The following PLCL1 variants were observed in gnomAD, a reference collection of about 807,000 sequenced individuals.
PLCL1 encodes phospholipase C like 1 (inactive), also known as inactive phospholipase C-like protein 1.
A neutral mutation model predicts 84.4 loss-of-function variants in PLCL1; 41 were observed. The observed-to-expected ratio is 0.49, with a 90% CI of 0.38 to 0.63. PLCL1 has a LOEUF of 0.63. Ranked by LOEUF, PLCL1 falls within the 30% of genes least tolerant of loss-of-function variation. The pLI is 0.00. For synonymous variants in PLCL1, 490 were observed against 488.3 expected (o/e 1.00, Z -0.05); for missense variants, 1,206 against 1,367.8 (o/e 0.88, Z 1.87).
intron 1 of PLCL1, among the ~76,000 whole-genome samples, chr2:198,055,142 T>C (rs937722520): frequency 2.6e-5 from 4 of 151,986 alleles, no homozygotes; most frequent in African/African-American, 9.7e-5. Flanking sequence ...AGGTCGAAGG[T>C]TCTGGGAAGA....
chr2:197,954,728 C>T (rs1689453078), intron 1 of PLCL1, among the ~76,000 whole-genome samples: 1 of 151,982 alleles, frequency 6.6e-6, no homozygotes, highest in Admixed American at 6.6e-5. Flanking sequence ...ATGACAGGGA[C>T]TGTTTTTGGT....
intron 1 of PLCL1, among the ~76,000 whole-genome samples, chr2:197,965,094 C>T (rs1689701070): frequency 6.6e-6 from 1 of 152,022 alleles, no homozygotes; most frequent in Non-Finnish European, 1.5e-5. Flanking sequence ...GAAGTATTCC[C>T]TCATCCTCTA....
intron 1 of PLCL1, among the ~76,000 whole-genome samples, chr2:197,875,554 G>T (rs913333862): frequency 6.6e-6 from 1 of 151,938 alleles, no homozygotes; most frequent in South Asian, 2.1e-4. Flanking sequence ...TATATTTTGT[G>T]TACTTTGCTG....
chr2:197,888,316 A>G (rs892685461), intron 1 of PLCL1, among the ~76,000 whole-genome samples: 1 of 152,142 alleles, frequency 6.6e-6, no homozygotes, highest in Admixed American at 6.5e-5. Flanking sequence ...CCTTTCTGCC[A>G]TATGTGTTTC....
At chr2:198,086,794 T>A (rs1692895568) in intron 2 of PLCL1, among the ~76,000 whole-genome samples, 1 of 152,146 alleles carries the variant, frequency 6.6e-6, no homozygotes, top group South Asian at 2.1e-4. Flanking sequence ...AGTACAAAAC[T>A]GAATCAATAT....
At chr2:198,106,099 C>T (rs1307446106) in intron 5 of PLCL1, among the ~76,000 whole-genome samples, 1 of 151,770 alleles carries the variant, frequency 6.6e-6, no homozygotes, top group Non-Finnish European at 1.5e-5. Context: ...AACTCAGTAT[C>T]GTTATTAATC....
intron 1 of PLCL1, among the ~76,000 whole-genome samples, chr2:198,046,982 G>A (rs1691819339): frequency 6.6e-6 from 1 of 152,142 alleles, no homozygotes; most frequent in African/African-American, 2.4e-5. Flanking sequence ...AATGTAGTAG[G>A]ATATGTTTTG....
chr2:197,926,933 G>T (rs1046040030), intron 1 of PLCL1, among the ~76,000 whole-genome samples: 1 of 152,146 alleles, frequency 6.6e-6, no homozygotes, highest in African/African-American at 2.4e-5. Flanking sequence ...GTCTTATTTG[G>T]CTGGGCAAGG....
chr2:197,873,157 G>A (rs1449944862), intron 1 of PLCL1, among the ~76,000 whole-genome samples: 1 of 151,942 alleles, frequency 6.6e-6, no homozygotes, highest in East Asian at 1.9e-4. Flanking sequence ...ACATGTTTAT[G>A]TGTATTCAAT....
chr2:197,908,055 T>C (rs1688417097), intron 1 of PLCL1, among the ~76,000 whole-genome samples: 1 of 152,164 alleles, frequency 6.6e-6, no homozygotes, highest in African/African-American at 2.4e-5. Context: ...TGATCACATA[T>C]TTAGCATGAG....
intron 5 of PLCL1, among the ~76,000 whole-genome samples, chr2:198,130,291 T>G (rs1208168405): frequency 1.3e-5 from 2 of 152,192 alleles, no homozygotes; most frequent in African/African-American, 4.8e-5. Context: ...TGACTCTTTC[T>G]TCCCAGAATC....
In PLCL1 at chr2:197,812,046, A is replaced by C. The variant is rs534440063; in HGVS notation, c.240+6707A>C. 1.2e-3 allele frequency among the ~76,000 whole-genome samples: 176 copies of C among 152,316 alleles called. 4 individuals carry two copies. Among genetic ancestry groups the C allele is most frequent in the Middle Eastern group, 3.4e-3 (1 of 294 alleles). ...TGTATTTAGTGTTTAGCTACCACTT[A>C]CAAGTGAGAACATGTGGTATTTGGT... On this transcript the variant is annotated intron_variant, in intron 1 of 5. Coordinates refer to ENST00000428675, the MANE Select transcript of PLCL1 (RefSeq NM_006226.4).
rs148781016 is a variant in PLCL1, at chr2:198,092,075, C to G, written c.2919+3014C>G. Among the ~76,000 whole-genome samples the G allele has an allele frequency of 8.9e-3, 1,351 of 151,952 alleles. 23 individuals are homozygous for G. Among genetic ancestry groups the G allele is most frequent in the African/African-American group, 0.03 (1,232 of 41,398 alleles). On this transcript the variant is annotated intron_variant, in intron 3 of 5. Transcript: ENST00000428675. The stretch of plus-strand genomic sequence containing the variant: ...CATCTCCAGCCTCACCTGCTTCTCC[C>G]AACCTCACCTGCCTCTTTAGTTTTA...
At chr2:197,837,198 T>C (rs1386959939) in intron 1 of PLCL1, among the ~76,000 whole-genome samples, 1 of 152,036 alleles carries the variant, frequency 6.6e-6, no homozygotes, top group Non-Finnish European at 1.5e-5. Context: ...GGCTTTGAGG[T>C]GAAGATGGGA....
intron 5 of PLCL1, among the ~76,000 whole-genome samples, chr2:198,110,354 T>C (rs1304314109): frequency 3.9e-5 from 6 of 151,932 alleles, no homozygotes; most frequent in East Asian, 3.9e-4. Context: ...GAGCAGAGAT[T>C]GAAGCTTCTC....
intron 1 of PLCL1, among the ~76,000 whole-genome samples, chr2:197,977,283 C>G (rs996109348): frequency 1.8e-4 from 28 of 152,156 alleles, no homozygotes; most frequent in Non-Finnish European, 5.9e-5. Context: ...TCCCCCCGCC[C>G]CCTCACCTAA....
intron 1 of PLCL1, among the ~76,000 whole-genome samples, chr2:197,940,580 T>G (rs1689139359): frequency 6.6e-6 from 1 of 152,230 alleles, no homozygotes; most frequent in African/African-American, 2.4e-5. Context: ...CAGAATGCAG[T>G]GCTGTGACAG....
chr2:197,825,242 A>G (rs1690905553), intron 1 of PLCL1, among the ~76,000 whole-genome samples: 1 of 152,214 alleles, frequency 6.6e-6, no homozygotes, highest in African/African-American at 2.4e-5. Flanking sequence ...ATCTTTGTGC[A>G]AGCCAATCAT....
At chr2:198,061,532 A>G (rs1413788425) in intron 1 of PLCL1, among the ~76,000 whole-genome samples, 1 of 152,086 alleles carries the variant, frequency 6.6e-6, no homozygotes. Flanking sequence ...TTGGTATATG[A>G]TCTGGGATAA....
Sources: allele counts gnomAD v4.1 joint callset (sites outside exome capture counted in the v4.1 genomes callset), GRCh38; gene constraint gnomAD v4.1.1; transcripts MANE v1.5; gene names NCBI Gene and HGNC (gene_info 2026-07-23, HGNC 2026-07-21).